ZDHHC21: variants seen among roughly 807,000 people sequenced by gnomAD.
ZDHHC21 encodes the protein palmitoyltransferase ZDHHC21.
In ZDHHC21, 15 loss-of-function variants were observed where a neutral mutation model predicts 34.6. That is an observed-to-expected ratio of 0.43 (90% CI 0.29 to 0.67). ZDHHC21 has a LOEUF of 0.67. Among genes scored for constraint, ZDHHC21 ranks in the 30% least tolerant of loss-of-function variants. ZDHHC21 has a pLI of 0.14. For missense variants in ZDHHC21, 344 were observed against 327.7 expected (o/e 1.05, Z -0.38); for synonymous variants, 142 against 101.8 (o/e 1.40, Z -2.38).
At chr9:14,692,304 T>C (rs540643465) in intron 1 of ZDHHC21, among the ~76,000 whole-genome samples, 1 of 152,338 alleles carries the variant, frequency 6.6e-6, no homozygotes, top group East Asian at 1.9e-4. Context: ...AGGAAAGCAG[T>C]GAATTTTTAA....
intron 8 of ZDHHC21, among the ~76,000 whole-genome samples, chr9:14,629,177 G>A (rs1826863793): frequency 6.6e-6 from 1 of 152,150 alleles, no homozygotes; most frequent in Admixed American, 6.5e-5. Context: ...ATAGATACCA[G>A]CAGTGTCTGG....
rs1213203834 is a variant in ZDHHC21, at chr9:14,672,856, G to C, written c.227C>G (p.Pro76Arg). The C allele has an allele frequency of 1.2e-6, 2 of 1,608,638 alleles. No individual in the cohort carries two copies. The highest frequency in any genetic ancestry group is 1.3e-5 in the African/African-American group (1 of 74,840). ...TCCATGTGGGATCTTGGGGTTCTCA[G>C]GGAGTCTTCCTGGATCAGTTATGGA... ...RASITDPGRL[P>R]ENPKIPHGER... Residue 76 changes from proline to arginine, a missense_variant, in exon 5 of 10, where the codon CCT (proline) becomes CGT (arginine). Physicochemically the swap from Pro to Arg is moderately radical, Grantham distance 103. Transcript: ENST00000380916.
the ZDHHC21 span, among the ~76,000 whole-genome samples, chr9:14,592,963 A>G: frequency 1.3e-5 from 2 of 152,178 alleles, no homozygotes; most frequent in Non-Finnish European, 2.9e-5. Context: ...GTTTTAATTG[A>G]ATAAAAAAGA....
intron 6 of ZDHHC21, among the ~76,000 whole-genome samples, chr9:14,660,836 T>C (rs556375137): frequency 6.6e-6 from 1 of 152,264 alleles, no homozygotes; most frequent in East Asian, 1.9e-4. Flanking sequence ...AGCATCAATA[T>C]CCACTTCCAT....
chr9:14,678,479 C>T (rs1051448837), intron 3 of ZDHHC21, among the ~76,000 whole-genome samples: 6 of 151,914 alleles, frequency 3.9e-5, no homozygotes, highest in African/African-American at 1.5e-4. Context: ...TAACAAGGTA[C>T]ATTTTTCATC....
At chr9:14,644,155 A>G (rs558430317) in intron 7 of ZDHHC21, among the ~76,000 whole-genome samples, 1 of 152,270 alleles carries the variant, frequency 6.6e-6, no homozygotes, top group East Asian at 1.9e-4. Context: ...TCTATTATAA[A>G]TGGCATTTGC....
At chr9:14,641,329 A>G (rs1829331041) in intron 7 of ZDHHC21, among the ~76,000 whole-genome samples, 1 of 152,184 alleles carries the variant, frequency 6.6e-6, no homozygotes, top group Non-Finnish European at 1.5e-5. Flanking sequence ...AACTTCAGTA[A>G]AAAGAACCCA....
chr9:14,672,884 C>T lies in ZDHHC21; in HGVS notation c.199G>A (p.Ala67Thr), dbSNP rs746805941. Reference sequence around the variant, plus strand: ...AGTCTTCCTGGATCAGTTATGGAGGCCCTCACTAAGGCAACCAGACAGAAT... The same window carrying T: ...AGTCTTCCTGGATCAGTTATGGAGGTCCTCACTAAGGCAACCAGACAGAAT... ...SIFCLVALVR[A>T]SITDPGRLPE... Residue 67 changes from alanine (A) to threonine (T), a missense_variant, in exon 5 of 10, where the codon GCC becomes ACC. Ala to Thr is a moderately conservative substitution (Grantham distance 58). Coordinates refer to ENST00000380916, the MANE Select transcript of ZDHHC21 (RefSeq NM_178566.6). 6.2e-7 allele frequency: 1 copy of T among 1,607,738 alleles called. No homozygotes were observed. Among genetic ancestry groups the T allele is most frequent in the Admixed American group, 1.7e-5 (1 of 59,850 alleles).
At chr9:14,679,799 G>A (rs1049320912) in intron 3 of ZDHHC21, among the ~76,000 whole-genome samples, 2 of 151,940 alleles carry the variant, frequency 1.3e-5, no homozygotes, top group African/African-American at 4.8e-5. Context: ...TAAGACTTAC[G>A]ATTCAGAAAG....
chr9:14,648,380 A>AG (rs993749605), intron 7 of ZDHHC21, among the ~76,000 whole-genome samples: 64 of 152,050 alleles, frequency 4.2e-4, no homozygotes, highest in African/African-American at 1.4e-3. Context: ...CAGCTTACAA[A>AG]GTCCCAACCA....
the ZDHHC21 span, among the ~76,000 whole-genome samples, chr9:14,604,508 G>A: frequency 5.3e-5 from 8 of 152,070 alleles, no homozygotes; most frequent in Admixed American, 4.6e-4. Context: ...CTTTAGGATG[G>A]CGGCTACCTC....
At chr9:14,653,313 A>T (rs1443236234) in intron 7 of ZDHHC21, among the ~76,000 whole-genome samples, 1 of 151,994 alleles carries the variant, frequency 6.6e-6, no homozygotes, top group Admixed American at 6.6e-5. Flanking sequence ...TTTTTGAAGA[A>T]TATTCCACCA....
intron 7 of ZDHHC21, among the ~76,000 whole-genome samples, chr9:14,640,307 GGAAA>G (rs1276355230): frequency 1.0e-4 from 13 of 125,706 alleles, no homozygotes; most frequent in African/African-American, 3.2e-4. Context: ...CCTATTTTGG[GGAAA>G]AAAAAAAAAA....
At position 14,682,914 on chromosome 9, in the gene ZDHHC21, G is replaced by C. The variant is rs376117698; in HGVS notation, c.-175-2752C>G. 1.1e-4 allele frequency among the ~76,000 whole-genome samples: 16 copies of C among 152,284 alleles called. No homozygotes were observed. The East Asian group carries it at 3.1e-3, about 29-fold the overall frequency. On this transcript the variant is annotated intron_variant, in intron 2 of 9. Transcript: ENST00000380916. The stretch of plus-strand genomic sequence containing the variant: ...AAAACCGAACAACTACATGGAAACT[G>C]AACAACCTGCTCCTGAGTGACTACT...
At chr9:14,644,737 T>G (rs1437979414) in intron 7 of ZDHHC21, among the ~76,000 whole-genome samples, 1 of 151,998 alleles carries the variant, frequency 6.6e-6, no homozygotes, top group Non-Finnish European at 1.5e-5. Flanking sequence ...AAACTCAATT[T>G]GATCAGGTTG....
Position 14,613,443 on chromosome 9 carries a change from T to C in ZDHHC21, c.*5523A>G, listed in dbSNP as rs1823665496. 1 of 151,752 alleles carries C rather than the reference T, an allele frequency of 6.6e-6. No individual in the cohort carries two copies. Among genetic ancestry groups the C allele is most frequent in the Non-Finnish European group, 1.5e-5 (1 of 67,798 alleles). The allele number at this position is 151,752 out of a possible 1,614,324, so 9.4% of individuals were successfully genotyped here. ...CATCCAATGTATACTGGCAAGAATATATAGCTTGCAATACGCAGGTAAGCT... is the reference window on the plus strand; with the variant it reads ...CATCCAATGTATACTGGCAAGAATACATAGCTTGCAATACGCAGGTAAGCT... On this transcript the variant is annotated 3_prime_UTR_variant, in exon 10 of 10. Transcript: ENST00000380916.
At chr9:14,662,154 T>C in intron 6 of ZDHHC21, 61 bp downstream of exon 6, 1 of 1,236,082 alleles carries the variant, frequency 8.1e-7, no homozygotes, top group Non-Finnish European at 1.1e-6. Context: ...GCTGCCAAGT[T>C]GTAAGATTTA....
chr9:14,691,616 G>A (rs1839163567), intron 1 of ZDHHC21, among the ~76,000 whole-genome samples: 1 of 152,104 alleles, frequency 6.6e-6, no homozygotes, highest in South Asian at 2.1e-4. Context: ...TACCTCGTAG[G>A]CAAAAGTGAC....
intron 1 of ZDHHC21, among the ~76,000 whole-genome samples, chr9:14,690,877 C>T (rs763341859): frequency 3.9e-5 from 6 of 152,154 alleles, no homozygotes; most frequent in Non-Finnish European, 7.4e-5. Context: ...GTTATTTAAG[C>T]ACTGATTATT....
Sources: gnomAD v4.1 joint callset for allele counts (sites outside exome capture counted in the v4.1 genomes callset) on GRCh38, gnomAD v4.1.1 for gene constraint, MANE v1.5 for transcripts, NCBI Gene and HGNC (gene_info 2026-07-23, HGNC 2026-07-21) for gene names.